Variants in STK39 observed in about 807,000 individuals in gnomAD.
STK39 encodes serine/threonine kinase 39, also known as STE20/SPS1-related proline-alanine-rich protein kinase.
In STK39, 20 loss-of-function variants were observed where a neutral mutation model predicts 77.8. The ratio of observed to expected loss-of-function variants is 0.26; its 90% confidence interval spans 0.18 to 0.37. The LOEUF (loss-of-function observed/expected upper bound fraction) is 0.37, where lower values mean the gene tolerates loss of function less well. Among genes scored for constraint, STK39 ranks in the 10% least tolerant of loss-of-function variants. The pLI, the probability that STK39 is intolerant of heterozygous loss-of-function variation, is 1.00. For synonymous variants in STK39, 246 were observed against 234.1 expected, an observed-to-expected ratio of 1.05 and a Z score of -0.47; for missense variants, 479 against 656.5, an observed-to-expected ratio of 0.73 and a Z score of 2.95.
At chr2:167,988,153 TA>T (rs1683606666) in intron 16 of STK39, among the ~76,000 whole-genome samples, 1 of 152,196 alleles carries the variant, frequency 6.6e-6, no homozygotes, top group Non-Finnish European at 1.5e-5. Context: ...AATAGATTGT[TA>T]CTGCTTTTAA....
intron 16 of STK39, among the ~76,000 whole-genome samples, chr2:167,977,992 T>C (rs1010774170): frequency 2.0e-5 from 3 of 152,092 alleles, no homozygotes; most frequent in Non-Finnish European, 2.9e-5. Flanking sequence ...GATGGAATCA[T>C]TGGGGGTTGA....
At chr2:168,102,383 T>C (rs189018121) in intron 10 of STK39, among the ~76,000 whole-genome samples, 1 of 152,286 alleles carries the variant, frequency 6.6e-6, no homozygotes, top group Admixed American at 6.5e-5. Context: ...TGATTTTCAT[T>C]TGCATTTCCC....
At chr2:168,038,437 GC>G (rs1442302435) in intron 14 of STK39, among the ~76,000 whole-genome samples, 3 of 117,966 alleles carry the variant, frequency 2.5e-5, no homozygotes, top group African/African-American at 9.2e-5. Flanking sequence ...AAATGTAAAG[GC>G]TAAAATGATT....
chr2:168,131,420 T>C (rs1019747851), intron 8 of STK39, among the ~76,000 whole-genome samples: 3 of 152,144 alleles, frequency 2.0e-5, no homozygotes, highest in African/African-American at 7.2e-5. Context: ...GGAATCCTCA[T>C]GCTTGACAAA....
intron 10 of STK39, among the ~76,000 whole-genome samples, chr2:168,087,631 C>T (rs563133096): frequency 3.0e-4 from 46 of 152,280 alleles, no homozygotes; most frequent in African/African-American, 9.4e-4. Flanking sequence ...TTGCCTAGAC[C>T]GCCCCCATAA....
At chr2:168,210,111 A>T (rs1220954621) in intron 1 of STK39, among the ~76,000 whole-genome samples, 1 of 151,574 alleles carries the variant, frequency 6.6e-6, no homozygotes, top group East Asian at 2.0e-4. Flanking sequence ...GAAAAACCTC[A>T]ATTCTCACCC....
intron 8 of STK39, among the ~76,000 whole-genome samples, chr2:168,130,695 T>C (rs1191520219): frequency 6.6e-6 from 1 of 152,248 alleles, no homozygotes; most frequent in Admixed American, 6.5e-5. Flanking sequence ...TCAATAGTTA[T>C]TTCATAGGAA....
chr2:168,096,013 T>C (rs951471318), intron 10 of STK39, among the ~76,000 whole-genome samples: 37 of 152,334 alleles, frequency 2.4e-4, no homozygotes, highest in African/African-American at 7.9e-4. Flanking sequence ...CATATGCCTA[T>C]TGCATTTTAA....
intron 16 of STK39, among the ~76,000 whole-genome samples, chr2:167,982,467 A>G (rs1683443961): frequency 6.6e-6 from 1 of 152,224 alleles, no homozygotes; most frequent in South Asian, 2.1e-4. Flanking sequence ...TACTTTTGAT[A>G]GGTTATTCCC....
intron 14 of STK39, among the ~76,000 whole-genome samples, chr2:168,022,960 C>T (rs779972326): frequency 8.5e-5 from 13 of 152,098 alleles, no homozygotes; most frequent in Non-Finnish European, 1.8e-4. Flanking sequence ...CTTGGTTGCC[C>T]AGGTAGTACA....
At chr2:168,226,441 C>T (rs1203335330) in intron 1 of STK39, among the ~76,000 whole-genome samples, 2 of 152,108 alleles carry the variant, frequency 1.3e-5, no homozygotes, top group Non-Finnish European at 2.9e-5. Context: ...GGCAGATTAA[C>T]CAATTTTGTT....
chr2:167,958,525 A>G (rs1432768740), intron 17 of STK39, among the ~76,000 whole-genome samples: 4 of 152,208 alleles, frequency 2.6e-5, no homozygotes, highest in Admixed American at 2.0e-4. Flanking sequence ...CCTGACTTCT[A>G]CATTTCCTCT....
At position 168,182,041 on chromosome 2, in the gene STK39, T is replaced by C; in HGVS notation, c.258A>G (p.Gln86=). Residue 86 remains glutamine (Q), a synonymous_variant, in exon 2 of 18, where the codon CAA becomes CAG. Coordinates refer to ENST00000355999, the MANE Select transcript of STK39 (RefSeq NM_013233.3). Reference sequence around the variant, plus strand: ...TGATCCGTTTTATTGCTACACGTTCTTGCCTGGGTTTGCATAGGGCTGCCT... The same window carrying C: ...TGATCCGTTTTATTGCTACACGTTCCTGCCTGGGTTTGCATAGGGCTGCCT... ...VVQAALCKPR[Q]ERVAIKRINL... The C allele has an allele frequency of 1.9e-6, 3 of 1,614,066 alleles. No homozygotes were observed. Among genetic ancestry groups the C allele is most frequent in the Non-Finnish European group, 2.5e-6 (3 of 1,179,926 alleles).
intron 17 of STK39, among the ~76,000 whole-genome samples, chr2:167,963,591 A>G (rs561876038): frequency 1.3e-5 from 2 of 151,784 alleles, no homozygotes; most frequent in African/African-American, 4.8e-5. Flanking sequence ...GGATTTTCCT[A>G]TTTGTTAACC....
intron 14 of STK39, among the ~76,000 whole-genome samples, chr2:168,062,336 C>T (rs1209994189): frequency 6.6e-6 from 1 of 152,026 alleles, no homozygotes; most frequent in Admixed American, 6.5e-5. Context: ...GTACCTCGTT[C>T]GAAAGTCAAA....
rs549082982 is a variant in STK39, at chr2:168,229,789, A to G, written c.208+17439T>C. On this transcript the variant is annotated intron_variant, in intron 1 of 17. Transcript: ENST00000355999. ...TTAATGTGGTGTTGAGTTTTAAGAA[A>G]GTCAGTCTGGAATAAAACACCTCAA... Among the ~76,000 whole-genome samples the G allele has an allele frequency of 2.6e-5, 4 of 152,310 alleles. No individual in the cohort carries two copies. In the South Asian group the frequency reaches 8.3e-4, roughly 32 times the overall value.
chr2:168,011,124 C>T (rs1356526067), intron 16 of STK39, among the ~76,000 whole-genome samples: 2 of 152,140 alleles, frequency 1.3e-5, no homozygotes, highest in Admixed American at 6.5e-5. Context: ...ATGGCAAAAC[C>T]CTGTCTCTAC....
intron 5 of STK39, among the ~76,000 whole-genome samples, chr2:168,153,338 G>C (rs982973050): frequency 6.6e-6 from 1 of 152,180 alleles, no homozygotes; most frequent in Non-Finnish European, 1.5e-5. Flanking sequence ...GCAGGAGTAA[G>C]GGGGAGAGGT....
chr2:168,236,200 A>G (rs1305247928), intron 1 of STK39, among the ~76,000 whole-genome samples: 4 of 152,182 alleles, frequency 2.6e-5, no homozygotes, highest in East Asian at 3.8e-4. Context: ...TTTCTCTGAT[A>G]GCCAGCGATG....
Sources: gnomAD v4.1 joint callset for allele counts (sites outside exome capture counted in the v4.1 genomes callset) on GRCh38, gnomAD v4.1.1 for gene constraint, MANE v1.5 for transcripts, NCBI Gene and HGNC (gene_info 2026-07-23, HGNC 2026-07-21) for gene names.